Variants in INTS9 observed in about 807,000 individuals in gnomAD.
INTS9 encodes integrator complex subunit 9.
A neutral mutation model predicts 79.7 loss-of-function variants in INTS9; 55 were observed. That is an observed-to-expected ratio of 0.69 (90% CI 0.56 to 0.86). The LOEUF (loss-of-function observed/expected upper bound fraction) is 0.86. Among genes scored for constraint, INTS9 ranks in the 40% least tolerant of loss-of-function variants. The pLI, the probability that INTS9 is intolerant of heterozygous loss-of-function variation, is 0.00. For synonymous variants in INTS9, 319 were observed against 325.2 expected (o/e 0.98, Z 0.20); for missense variants, 721 against 831.5 (o/e 0.87, Z 1.64).
intron 12 of INTS9, 92 bp downstream of exon 12, chr8:28,780,731 C>CCTCT: frequency 6.5e-7 from 1 of 1,535,060 alleles, no homozygotes; most frequent in South Asian, 1.3e-5. Context: ...TGTCTCACTG[C>CCTCT]AAAATCCTTC....
At chr8:28,772,425 A>G (rs1289213331) in intron 14 of INTS9, among the ~76,000 whole-genome samples, 3 of 152,176 alleles carry the variant, frequency 2.0e-5, no homozygotes, top group Admixed American at 1.3e-4. Context: ...AGGGAGGAGA[A>G]CTGCATGCAC....
intron 8 of INTS9, among the ~76,000 whole-genome samples, chr8:28,799,939 C>T (rs1457613343): frequency 1.3e-5 from 2 of 152,156 alleles, no homozygotes; most frequent in African/African-American, 4.8e-5. Context: ...ACTTAATACT[C>T]AATTTCAACA....
chr8:28,848,258 T>C (rs1807642242), intron 3 of INTS9, among the ~76,000 whole-genome samples: 1 of 152,238 alleles, frequency 6.6e-6, no homozygotes, highest in African/African-American at 2.4e-5. Context: ...TTTTTTTCTA[T>C]TATGTTTCCA....
intron 2 of INTS9, among the ~76,000 whole-genome samples, chr8:28,857,831 T>G (rs1027321190): frequency 1.3e-5 from 2 of 152,188 alleles, no homozygotes; most frequent in African/African-American, 4.8e-5. Context: ...ATGTAATAAG[T>G]GCTACGAAGA....
At chr8:28,801,498 CAAACAAACAAAA>C (rs1021030568) in intron 8 of INTS9, among the ~76,000 whole-genome samples, 62 of 67,738 alleles carry the variant, frequency 9.2e-4, no homozygotes, top group Non-Finnish European at 1.2e-3. Context: ...TCAAAACAAA[CAAACAAACAAAA>C]AAACAAAAAA....
chr8:28,889,729 A>T, intron 1 of INTS9, 145 bp downstream of exon 1: 1 of 816,162 alleles, frequency 1.2e-6, no homozygotes. Flanking sequence ...AACAACAAAA[A>T]GCAGCTTTCC....
chr8:28,838,711 G>C (rs1017492007), intron 4 of INTS9, among the ~76,000 whole-genome samples: 3 of 151,978 alleles, frequency 2.0e-5, no homozygotes, highest in Non-Finnish European at 4.4e-5. Context: ...AGTAGAGATG[G>C]GTTTTCACCA....
At chr8:28,885,057 C>A (rs79486729) in intron 1 of INTS9, among the ~76,000 whole-genome samples, 12 of 152,152 alleles carry the variant, frequency 7.9e-5, no homozygotes, top group African/African-American at 2.7e-4. Context: ...CAATTGCACT[C>A]GGTGTTTTAC....
intron 8 of INTS9, among the ~76,000 whole-genome samples, chr8:28,800,467 G>C (rs369445175): frequency 7.2e-5 from 11 of 152,324 alleles, no homozygotes; most frequent in Middle Eastern, 3.4e-3. Context: ...CCCACTGACA[G>C]AGCAGGCAGT....
At chr8:28,803,042 G>T (rs1486386930) in intron 8 of INTS9, among the ~76,000 whole-genome samples, 1 of 152,080 alleles carries the variant, frequency 6.6e-6, no homozygotes, top group Non-Finnish European at 1.5e-5. Context: ...AGCCCATAGA[G>T]TTTGAGGTTG....
chr8:28,835,480 T>C, intron 5 of INTS9, 102 bp from the exon 6 acceptor site: 1 of 689,534 alleles, frequency 1.5e-6, no homozygotes, highest in Non-Finnish European at 2.5e-6. Flanking sequence ...CACCTCCCCC[T>C]ACACCATTTC....
intron 6 of INTS9, among the ~76,000 whole-genome samples, chr8:28,824,606 G>C (rs571037700): frequency 5.9e-5 from 9 of 152,352 alleles, no homozygotes; most frequent in Middle Eastern, 3.4e-3. Context: ...GGCTGGCCCT[G>C]AGTCTGGCAG....
intron 11 of INTS9, among the ~76,000 whole-genome samples, chr8:28,786,351 T>C (rs151272649): frequency 6.6e-5 from 10 of 152,224 alleles, no homozygotes; most frequent in East Asian, 3.9e-4. Flanking sequence ...AGTAGCACGA[T>C]TGCAGTTCAC....
intron 2 of INTS9, among the ~76,000 whole-genome samples, chr8:28,853,842 C>G (rs1021257345): frequency 6.6e-6 from 1 of 152,038 alleles, no homozygotes; most frequent in African/African-American, 2.4e-5. Context: ...CCTCAGCCTC[C>G]CGAGTAGCTG....
At chr8:28,880,206 A>G (rs1247961698) in intron 1 of INTS9, among the ~76,000 whole-genome samples, 1 of 151,994 alleles carries the variant, frequency 6.6e-6, no homozygotes, top group African/African-American at 2.4e-5. Context: ...TTTTAATGGC[A>G]TAGAAAAATG....
intron 2 of INTS9, among the ~76,000 whole-genome samples, chr8:28,857,679 A>C (rs1192927957): frequency 6.6e-6 from 1 of 152,254 alleles, no homozygotes; most frequent in Non-Finnish European, 1.5e-5. Flanking sequence ...AAAGCAATTC[A>C]TTCATACAAC....
At chr8:28,881,097 C>T (rs1270765195) in intron 1 of INTS9, among the ~76,000 whole-genome samples, 2 of 150,480 alleles carry the variant, frequency 1.3e-5, no homozygotes, top group South Asian at 2.1e-4. Flanking sequence ...CGTCTCCGCC[C>T]GGCAGCCACC....
chr8:28,878,453 C>T (rs990150082), intron 1 of INTS9, among the ~76,000 whole-genome samples: 1 of 150,650 alleles, frequency 6.6e-6, no homozygotes. Context: ...GCTGGGACTA[C>T]AGGTGTGTGC....
chr8:28,819,502 A>G (rs1160817475), intron 6 of INTS9, among the ~76,000 whole-genome samples: 1 of 152,182 alleles, frequency 6.6e-6, no homozygotes, highest in East Asian at 1.9e-4. Context: ...GTTTGATTGC[A>G]CTGTTGTCTG....
Sources: gnomAD v4.1 joint callset for allele counts (sites outside exome capture counted in the v4.1 genomes callset) on GRCh38, gnomAD v4.1.1 for gene constraint, MANE v1.5 for transcripts, NCBI Gene and HGNC (gene_info 2026-07-23, HGNC 2026-07-21) for gene names.